Variants in RTKN observed in about 807,000 individuals in gnomAD.
RTKN encodes rhotekin.
A neutral mutation model predicts 63.5 loss-of-function variants in RTKN; 49 were observed. That is an observed-to-expected ratio of 0.77 (90% CI 0.61 to 0.98). The LOEUF (loss-of-function observed/expected upper bound fraction) is 0.98. Ranked by LOEUF, RTKN falls within the 50% of genes least tolerant of loss-of-function variation. The probability of loss-of-function intolerance (pLI) is 0.00; values close to 1 mark genes in which losing one functional copy is unlikely to be tolerated. For synonymous variants in RTKN, 295 were observed against 290.4 expected (o/e 1.02, Z -0.16); for missense variants, 685 against 740.8 (o/e 0.92, Z 0.87).
chr2:74,433,239 G>C (rs1431458648), intron 1 of RTKN, among the ~76,000 whole-genome samples: 1 of 137,702 alleles, frequency 7.3e-6, no homozygotes, highest in Non-Finnish European at 1.6e-5. Flanking sequence ...CAAGACTCTG[G>C]CTCAAAAAAA....
rs761287012 is a variant in RTKN at position 74,426,337 on chromosome 2, C to T, written c.1598G>A (p.Arg533His). Residue 533 changes from arginine to histidine, a missense_variant, in exon 12 of 12, where the codon CGC becomes CAC. Coordinates refer to ENST00000272430, the MANE Select transcript of RTKN (RefSeq NM_001015055.2). Reference protein sequence around the residue: ...AVPPDHSPRARSVAPLPPQRS... With the variant: ...AVPPDHSPRAHSVAPLPPQRS... Reference sequence around the variant, plus strand: ...CTGAGGTGGGAGGGGGGCAACCGAGCGAGCCCTAGGGGAGTGGTCTGGGGG... The same window carrying T: ...CTGAGGTGGGAGGGGGGCAACCGAGTGAGCCCTAGGGGAGTGGTCTGGGGG... 15 of 1,612,892 alleles carry T rather than the reference C, an allele frequency of 9.3e-6. No individual in the cohort carries two copies. Among genetic ancestry groups the T allele is most frequent in the East Asian group, 6.7e-5 (3 of 44,890 alleles).
At chr2:74,440,252 A>C in intron 1 of RTKN, 1 of 650,352 alleles carries the variant, frequency 1.5e-6, no homozygotes, top group Non-Finnish European at 1.9e-6. Context: ...AGCCCAGGGA[A>C]TGGGACAAAG....
Position 74,428,073 on chromosome 2 carries a change from C to T in RTKN, c.1086+195G>A, listed in dbSNP as rs1670511872. The stretch of plus-strand genomic sequence containing the variant: ...GAGATTTGGCAGGGACTGAGGATGG[C>T]AAGTGAATGGGACGATCCTCTCACA... On this transcript the variant is annotated intron_variant, in intron 9 of 11. Coordinates refer to ENST00000272430, the MANE Select transcript of RTKN (RefSeq NM_001015055.2). 11 of 654,972 alleles carry T rather than the reference C, an allele frequency of 1.7e-5. No homozygotes were observed. The South Asian group carries it at 2.0e-4, about 12-fold the overall frequency. 40.6% of individuals were successfully genotyped at this position (654,972 alleles called of 1,614,324 possible). A position where few individuals can be genotyped will look rare whatever the true frequency, so the allele number is the denominator to read the frequency against.
At position 74,441,883 on chromosome 2, in the gene RTKN, T is replaced by C. The variant is rs1216659845; in HGVS notation, c.-67A>G. ...CGCCGCCCGGCTTAGCCTCCTCTCC[T>C]CGGCTTCTGTCTCTCGACGCTCGTC... On this transcript the variant is annotated 5_prime_UTR_variant, in exon 1 of 12. Transcript: ENST00000272430. The C allele has an allele frequency of 1.1e-6, 1 of 924,112 alleles. No individual in the cohort carries two copies. The highest frequency in any genetic ancestry group is 1.7e-6 in the Non-Finnish European group (1 of 589,830). The allele number at this position is 924,112 out of a possible 1,614,324, so 57.2% of individuals were successfully genotyped here.
chr2:74,429,921 A>G lies in RTKN; in HGVS notation c.662T>C (p.Leu221Pro). 2 of 1,614,160 alleles carry G rather than the reference A, an allele frequency of 1.2e-6. No homozygotes were observed. The highest frequency in any genetic ancestry group is 1.7e-6 in the Non-Finnish European group (2 of 1,180,000). Reference sequence around the variant, plus strand: ...GACACGCCTCCCTGAGGAGCGGCCCAGGGAGCTGCTGAGTTTGGTGGCAAG... The same window carrying G: ...GACACGCCTCCCTGAGGAGCGGCCCGGGGAGCTGCTGAGTTTGGTGGCAAG... ...KRLATKLSSS[L>P]GRSSGRRVRA... Residue 221 changes from leucine (L) to proline (P), a missense_variant, in exon 6 of 12, where the codon CTG (leucine) becomes CCG (proline). By Grantham distance (98) the Leu-to-Pro change is moderately conservative. Transcript: ENST00000272430.
intron 1 of RTKN, among the ~76,000 whole-genome samples, chr2:74,434,342 A>G (rs1220377634): frequency 1.3e-5 from 2 of 148,408 alleles, no homozygotes; most frequent in East Asian, 4.0e-4. Context: ...GTGAAGTGGC[A>G]TGATCTCGGC....
intron 1 of RTKN, chr2:74,439,451 C>T: frequency 7.3e-7 from 1 of 1,364,544 alleles, no homozygotes; most frequent in Non-Finnish European, 1.0e-6. Flanking sequence ...TTTAAGCAGG[C>T]CTGGCTCTCC....
At chr2:74,437,246 T>A (rs1220231239) in intron 1 of RTKN, among the ~76,000 whole-genome samples, 2 of 152,220 alleles carry the variant, frequency 1.3e-5, no homozygotes, top group Non-Finnish European at 2.9e-5. Context: ...AAGTCTCATC[T>A]CTACCTGGGC....
chr2:74,426,777 C>A, intron 11 of RTKN: 1 of 1,357,270 alleles, frequency 7.4e-7, no homozygotes, highest in Non-Finnish European at 9.4e-7. Context: ...ACATGGGGCA[C>A]AAGGTAGATG....
rs1414473392 is a variant in RTKN, at chr2:74,426,362, G to A, written c.1573C>T (p.Pro525Ser). Residue 525 changes from proline (P) to serine (S), a missense_variant, in exon 12 of 12, where the codon CCC (proline) becomes TCC (serine). Physicochemically the swap from Pro to Ser is moderately conservative, Grantham distance 74. Coordinates refer to ENST00000272430, the MANE Select transcript of RTKN (RefSeq NM_001015055.2). The stretch of plus-strand genomic sequence containing the variant: ...CGAGCCCTAGGGGAGTGGTCTGGGG[G>A]GACAGCATCCAGGGAAAAGGTTCGG... ...RPRTFSLDAV[P>S]PDHSPRARSV... The A allele has an allele frequency of 6.2e-7, 1 of 1,611,318 alleles. No individual in the cohort carries two copies. Among genetic ancestry groups the A allele is most frequent in the South Asian group, 1.1e-5 (1 of 90,930 alleles).
At chr2:74,434,636 G>A (rs944385192) in intron 1 of RTKN, among the ~76,000 whole-genome samples, 5 of 152,040 alleles carry the variant, frequency 3.3e-5, no homozygotes, top group African/African-American at 9.7e-5. Context: ...GACTAGTCTC[G>A]AACTCCTGGC....
At position 74,427,236 on chromosome 2, in the gene RTKN, A is replaced by C. The variant is rs778036244; in HGVS notation, c.1293T>G (p.Ile431Met). The C allele has an allele frequency of 2.1e-4, 339 of 1,614,128 alleles. 6 individuals carry two copies. The East Asian group carries it at 7.0e-3, about 33-fold the overall frequency. ...WKQCCDEIMK[I>M]ETPAPRKPPQ... ...GTGGTTTCCGGGGAGCAGGAGTTTC[A>C]ATTTTCATGATTTCATCACAGCACT... The change falls in exon 11 of 12, where the codon ATT (isoleucine) becomes ATG (methionine). Residue 431 changes from isoleucine to methionine, a missense_variant. Coordinates refer to ENST00000272430, the MANE Select transcript of RTKN (RefSeq NM_001015055.2).
At position 74,432,679 on chromosome 2, in the gene RTKN, G is replaced by T; in HGVS notation, c.112-13C>A. On this transcript the variant is annotated splice_polypyrimidine_tract_variant and intron_variant, in intron 1 of 11. Transcript: ENST00000272430. The stretch of plus-strand genomic sequence containing the variant: ...GCAACTCCGTGTCCTAGCCAGGGTT[G>T]GGGGAAGGGTGAGAAGGAAATGTCA... The T allele has an allele frequency of 1.9e-6, 3 of 1,613,168 alleles. No homozygotes were observed. Among genetic ancestry groups the T allele is most frequent in the East Asian group, 2.2e-5 (1 of 44,870 alleles).
chr2:74,440,394 A>C lies in RTKN; in HGVS notation c.111+1312T>G, dbSNP rs1283383036. On this transcript the variant is annotated intron_variant, in intron 1 of 11. Coordinates refer to ENST00000272430, the MANE Select transcript of RTKN (RefSeq NM_001015055.2). ...AGGGAGGAGAGGGAGAGAGGAAGGCAGGGGTGTGCCTGTCTGCTGCTGTCC... is the reference window on the plus strand; with the variant it reads ...AGGGAGGAGAGGGAGAGAGGAAGGCCGGGGTGTGCCTGTCTGCTGCTGTCC... 3 of 986,498 alleles carry C rather than the reference A, an allele frequency of 3.0e-6. No homozygotes were observed. In the African/African-American group the frequency reaches 5.2e-5, roughly 17 times the overall value. 61.1% of individuals were successfully genotyped at this position (986,498 alleles called of 1,614,324 possible).
chr2:74,441,882 C>T lies in RTKN; in HGVS notation c.-66G>A, dbSNP rs992563140. The T allele has an allele frequency of 2.6e-5, 25 of 976,290 alleles. No individual in the cohort carries two copies. The highest frequency in any genetic ancestry group is 1.0e-4 in the Admixed American group (5 of 47,818). The allele number at this position is 976,290 out of a possible 1,614,324, so 60.5% of individuals were successfully genotyped here. On this transcript the variant is annotated 5_prime_UTR_variant, in exon 1 of 12. Transcript: ENST00000272430. ...GCGCCGCCCGGCTTAGCCTCCTCTCCTCGGCTTCTGTCTCTCGACGCTCGT... is the reference window on the plus strand; with the variant it reads ...GCGCCGCCCGGCTTAGCCTCCTCTCTTCGGCTTCTGTCTCTCGACGCTCGT...
At position 74,429,888 on chromosome 2, in the gene RTKN, G is replaced by A. The variant is rs762137292; in HGVS notation, c.695C>T (p.Ser232Leu). 48 of 1,614,074 alleles carry A rather than the reference G, an allele frequency of 3.0e-5. 1 individual carries two copies. The highest frequency in any genetic ancestry group is 2.6e-4 in the South Asian group (24 of 91,086). Residue 232 changes from serine (S) to leucine (L), a missense_variant, in exon 6 of 12, where the codon TCG (serine) becomes TTG (leucine). Ser to Leu is a moderately radical substitution (Grantham distance 145, BLOSUM62 -2). Coordinates refer to ENST00000272430, the MANE Select transcript of RTKN (RefSeq NM_001015055.2). Reference protein sequence around the residue: ...GRSSGRRVRASLDSAGGSGSS... With the variant: ...GRSSGRRVRALLDSAGGSGSS... ...CCCTGAACCCCCAGCACTGTCCAGC[G>A]ATGCCCGGACACGCCTCCCTGAGGA... is the stretch of plus-strand genomic sequence containing the variant.
At chr2:74,427,654 T>C (rs1670485009) in intron 9 of RTKN, 62 bp from the exon 10 acceptor site, 1 of 1,538,618 alleles carries the variant, frequency 6.5e-7, no homozygotes, top group African/African-American at 1.4e-5. Flanking sequence ...TCAGGCAGCC[T>C]TGATCACGCC....
chr2:74,439,741 G>C (rs532015443), intron 1 of RTKN: 115 of 1,531,246 alleles, frequency 7.5e-5, no homozygotes, highest in Non-Finnish European at 9.6e-5. Flanking sequence ...GAGGTGGCCA[G>C]CTCTTGGGCA....
rs543917270 is a variant in RTKN, at chr2:74,425,868, G to C, written c.*375C>G. ...GCAGAGAGAGGCACCCTGTCCTCAG[G>C]AGCCAGGTGAAGGCTGCTGTTAAAT... On this transcript the variant is annotated 3_prime_UTR_variant, in exon 12 of 12. Transcript: ENST00000272430. The C allele has an allele frequency of 5.8e-5, 66 of 1,144,198 alleles. No individual in the cohort carries two copies. The African/African-American group carries it at 9.7e-4, about 17-fold the overall frequency. The allele number at this position is 1,144,198 out of a possible 1,614,324, so 70.9% of individuals were successfully genotyped here. A position where few individuals can be genotyped will look rare whatever the true frequency, so the allele number is the denominator to read the frequency against.
Sources: allele counts gnomAD v4.1 joint callset (sites outside exome capture counted in the v4.1 genomes callset), GRCh38; gene constraint gnomAD v4.1.1; transcripts MANE v1.5; gene names NCBI Gene and HGNC (gene_info 2026-07-23, HGNC 2026-07-21).